The following RAPGEF1 variants were observed in gnomAD, a reference collection of about 807,000 sequenced individuals.
RAPGEF1 encodes Rap guanine nucleotide exchange factor 1.
In RAPGEF1, 33 loss-of-function variants were observed where a neutral mutation model predicts 143.3. The ratio of observed to expected loss-of-function variants is 0.23; its 90% CI spans 0.17 to 0.31. The LOEUF is 0.31. RAPGEF1 is among the 10% of genes least tolerant of loss of function. The pLI is 1.00. For missense variants in RAPGEF1, 1,199 were observed against 1,645.4 expected (o/e 0.73, Z 4.69); for synonymous variants, 629 against 676.5 (o/e 0.93, Z 1.09).
intron 1 of RAPGEF1, among the ~76,000 whole-genome samples, chr9:131,661,962 TAATATA>T (rs1385786366): frequency 2.6e-5 from 4 of 152,254 alleles, no homozygotes; most frequent in African/African-American, 9.6e-5. Flanking sequence ...TCTAGGAACT[TAATATA>T]AATACAATTG....
intron 12 of RAPGEF1, among the ~76,000 whole-genome samples, chr9:131,615,001 T>C (rs1958695554): frequency 6.6e-6 from 1 of 152,228 alleles, no homozygotes; most frequent in African/African-American, 2.4e-5. Flanking sequence ...GACCTCTTAG[T>C]GAGAGTAAAT....
intron 1 of RAPGEF1, among the ~76,000 whole-genome samples, chr9:131,717,619 A>G (rs1483130309): frequency 6.6e-6 from 1 of 152,124 alleles, no homozygotes; most frequent in Non-Finnish European, 1.5e-5. Context: ...TAAAAACACA[A>G]GATATTAGCG....
intron 12 of RAPGEF1, among the ~76,000 whole-genome samples, chr9:131,605,422 GCTAT>G (rs1321823538): frequency 1.3e-5 from 2 of 152,136 alleles, no homozygotes; most frequent in African/African-American, 4.8e-5. Context: ...TGTCCTCAGG[GCTAT>G]CTAAACAGCA....
At chr9:131,659,546 G>A (rs1226416776) in intron 1 of RAPGEF1, among the ~76,000 whole-genome samples, 8 of 151,946 alleles carry the variant, frequency 5.3e-5, no homozygotes, top group Admixed American at 3.9e-4. Context: ...ACTTCAGCTC[G>A]GCCACTAACC....
chr9:131,636,935 A>AT (rs1186781931), intron 5 of RAPGEF1, among the ~76,000 whole-genome samples: 1 of 152,150 alleles, frequency 6.6e-6, no homozygotes, highest in Non-Finnish European at 1.5e-5. Context: ...AATGAAGGGA[A>AT]CATGGGGAGG....
chr9:131,577,582 T>C lies in RAPGEF1; in HGVS notation c.*1915A>G, dbSNP rs1951346718. On this transcript the variant is annotated 3_prime_UTR_variant, in exon 27 of 27. Coordinates refer to ENST00000683357, the MANE Select transcript of RAPGEF1 (RefSeq NM_001377935.1). ...CAGTTCACACAACCCAAGGGCCCTG[T>C]GTGCAGAGCGGCCCTCACACGCGCA... 1 of 152,230 alleles carries C rather than the reference T, an allele frequency of 6.6e-6. No homozygotes were observed. Among genetic ancestry groups the C allele is most frequent in the Admixed American group, 6.5e-5 (1 of 15,278 alleles). 9.4% of individuals were successfully genotyped at this position (152,230 alleles called of 1,614,324 possible).
At chr9:131,726,570 G>A (rs554769364) in intron 1 of RAPGEF1, among the ~76,000 whole-genome samples, 3 of 152,094 alleles carry the variant, frequency 2.0e-5, no homozygotes, top group Admixed American at 6.5e-5. Flanking sequence ...AGGTTGCAGT[G>A]AGCTGAGACG....
intron 1 of RAPGEF1, among the ~76,000 whole-genome samples, chr9:131,737,692 C>T (rs998245244): frequency 2.6e-5 from 4 of 152,068 alleles, no homozygotes; most frequent in East Asian, 1.9e-4. Flanking sequence ...AGGCCCAGCG[C>T]GGTGGCTCAC....
intron 1 of RAPGEF1, among the ~76,000 whole-genome samples, chr9:131,705,379 C>T (rs577470746): frequency 1.4e-4 from 22 of 151,888 alleles, no homozygotes; most frequent in African/African-American, 5.3e-4. Context: ...AAAAAAAAAA[C>T]CATGGATGTA....
chr9:131,584,380 G>A lies in RAPGEF1; in HGVS notation c.3345C>T (p.Tyr1115=). The A allele has an allele frequency of 1.2e-6, 2 of 1,613,890 alleles. No homozygotes were observed. The highest frequency in any genetic ancestry group is 1.3e-5 in the African/African-American group (1 of 75,064). The stretch of plus-strand genomic sequence containing the variant: ...AGTCCAGGGCAGAGAGGATGGCCAA[G>A]TAGGAGTTGAAGTTATTCAGCTTCC... ...HLRKLNNFNS[Y]LAILSALDSA... The change falls in exon 24 of 27, where the codon TAC becomes TAT. Residue 1115 remains tyrosine, a synonymous_variant. Transcript: ENST00000683357. The surrounding 1 kb of genome is among the most constrained non-coding windows in gnomAD (Gnocchi z 6.8).
intron 1 of RAPGEF1, among the ~76,000 whole-genome samples, chr9:131,718,284 G>A (rs752035018): frequency 6.6e-5 from 10 of 152,234 alleles, no homozygotes; most frequent in Admixed American, 2.0e-4. Context: ...GTGTCAGGGA[G>A]TGAGTTAAGG....
intron 5 of RAPGEF1, among the ~76,000 whole-genome samples, chr9:131,637,465 T>C (rs936007840): frequency 1.3e-5 from 2 of 152,062 alleles, no homozygotes; most frequent in African/African-American, 4.8e-5. Context: ...CCTTTGGGGG[T>C]CCTTATTCTA....
chr9:131,629,830 C>T (rs570700262), intron 6 of RAPGEF1, among the ~76,000 whole-genome samples: 1 of 152,118 alleles, frequency 6.6e-6, no homozygotes, highest in Non-Finnish European at 1.5e-5. Flanking sequence ...TATATTTTTA[C>T]CAGGAGCTTG....
Position 131,699,832 on chromosome 9 carries a change from T to G in RAPGEF1, c.61+39938A>C, listed in dbSNP as rs772463034. Among the ~76,000 whole-genome samples, 110 of 152,214 alleles carry G rather than the reference T, an allele frequency of 7.2e-4. 1 individual carries two copies. The highest frequency in any genetic ancestry group is 4.6e-4 in the Admixed American group (7 of 15,290). On this transcript the variant is annotated intron_variant, in intron 1 of 26. Coordinates refer to ENST00000683357, the MANE Select transcript of RAPGEF1 (RefSeq NM_001377935.1). The stretch of plus-strand genomic sequence containing the variant: ...TCAGGCTTTGGCCCCTGCTCTTCTC[T>G]GACTTACTTGCTGGTATCTCACCCA...
chr9:131,730,369 T>A (rs1836967409), intron 1 of RAPGEF1, among the ~76,000 whole-genome samples: 1 of 151,642 alleles, frequency 6.6e-6, no homozygotes, highest in African/African-American at 2.4e-5. Flanking sequence ...CCCCACATAC[T>A]GCAGTCTAGA....
chr9:131,701,139 C>A (rs1484857067), intron 1 of RAPGEF1, among the ~76,000 whole-genome samples: 1 of 152,062 alleles, frequency 6.6e-6, no homozygotes, highest in South Asian at 2.1e-4. Context: ...TGGGCACTGG[C>A]CATGGCTATT....
chr9:131,639,673 C>T (rs1474691811), intron 4 of RAPGEF1, among the ~76,000 whole-genome samples: 1 of 151,814 alleles, frequency 6.6e-6, no homozygotes, highest in Non-Finnish European at 1.5e-5. Flanking sequence ...GGAAGAGCAA[C>T]AATATAGAAA....
chr9:131,633,380 A>C (rs944285538), intron 5 of RAPGEF1, among the ~76,000 whole-genome samples: 1 of 152,190 alleles, frequency 6.6e-6, no homozygotes, highest in Admixed American at 6.5e-5. Context: ...CCTTAGAGGG[A>C]GTTAAAGAGC....
chr9:131,624,140 C>T (rs1257560132), intron 10 of RAPGEF1, among the ~76,000 whole-genome samples: 1 of 152,206 alleles, frequency 6.6e-6, no homozygotes, highest in Non-Finnish European at 1.5e-5. Flanking sequence ...TTGTACAACT[C>T]AGGCCAGGCT....
Sources: gnomAD v4.1 joint callset for allele counts (sites outside exome capture counted in the v4.1 genomes callset) on GRCh38, gnomAD v4.1.1 for gene constraint, Gnocchi (gnomAD v3.1) non-coding constraint, MANE v1.5 for transcripts, NCBI Gene and HGNC (gene_info 2026-07-23, HGNC 2026-07-21) for gene names.